Variants in DPY19L2 observed in about 807,000 individuals in gnomAD.
The protein encoded by DPY19L2 is dpy-19 like 2.
A neutral mutation model predicts 97.9 loss-of-function variants in DPY19L2; 34 were observed. The ratio of observed to expected loss-of-function variants is 0.35; its 90% CI spans 0.26 to 0.46. DPY19L2 has a LOEUF of 0.46. Among genes scored for constraint, DPY19L2 ranks in the 20% least tolerant of loss-of-function variants. DPY19L2 has a pLI of 1.00. For synonymous variants in DPY19L2, 230 were observed against 307.9 expected, an observed-to-expected ratio of 0.75 and a Z score of 2.65; for missense variants, 623 against 911.4, an observed-to-expected ratio of 0.68 and a Z score of 4.07.
chr12:63,636,349 C>T (rs1891694269), intron 6 of DPY19L2, among the ~76,000 whole-genome samples: 1 of 152,106 alleles, frequency 6.6e-6, no homozygotes, highest in Non-Finnish European at 1.5e-5. Flanking sequence ...ACCATCGATG[C>T]TAGGAAGCAA....
chr12:63,620,289 G>C (rs891209376), intron 9 of DPY19L2: 1 of 196,964 alleles, frequency 5.1e-6, no homozygotes, highest in African/African-American at 2.4e-5. Context: ...AAAGCTCACA[G>C]AAATGGTTCC....
chr12:63,660,064 G>C lies in DPY19L2; in HGVS notation c.588+1280C>G, dbSNP rs1349853893. On this transcript the variant is annotated intron_variant, in intron 4 of 21. Coordinates refer to ENST00000324472, the MANE Select transcript of DPY19L2 (RefSeq NM_173812.5). ...AATTCAAAATCTAATAAGGATATGA[G>C]AAAATTCTAGACAGCAGTGTGAACT... 2.0e-5 allele frequency among the ~76,000 whole-genome samples: 3 copies of C among 152,214 alleles called. No individual in the cohort carries two copies. The East Asian group carries it at 5.8e-4, about 29-fold the overall frequency.
chr12:63,592,667 A>G (rs1276187521), intron 16 of DPY19L2, among the ~76,000 whole-genome samples: 2 of 146,712 alleles, frequency 1.4e-5, no homozygotes, highest in African/African-American at 5.0e-5. Flanking sequence ...TAAACGTTAG[A>G]CCTAAAACCA....
chr12:63,563,339 T>C (rs1877004329), intron 21 of DPY19L2, among the ~76,000 whole-genome samples: 1 of 152,160 alleles, frequency 6.6e-6, no homozygotes, highest in Admixed American at 6.5e-5. Flanking sequence ...TGAGAAATCT[T>C]AGCCTAATCC....
chr12:63,621,944 T>G (rs1351337283), intron 8 of DPY19L2, among the ~76,000 whole-genome samples: 1 of 152,124 alleles, frequency 6.6e-6, no homozygotes, highest in Non-Finnish European at 1.5e-5. Context: ...AACTTTTAGA[T>G]ATGAAAAAAG....
chr12:63,639,426 G>A (rs1892312669), intron 6 of DPY19L2, among the ~76,000 whole-genome samples: 1 of 152,068 alleles, frequency 6.6e-6, no homozygotes, highest in African/African-American at 2.4e-5. Flanking sequence ...TACAGAATGG[G>A]AGAAAATTTT....
chr12:63,625,024 T>C (rs759554215), intron 7 of DPY19L2, among the ~76,000 whole-genome samples: 2 of 152,142 alleles, frequency 1.3e-5, no homozygotes, highest in African/African-American at 2.4e-5. Context: ...ATAATATATA[T>C]AAGGATTTTA....
intron 7 of DPY19L2, among the ~76,000 whole-genome samples, chr12:63,625,784 T>C (rs951447190): frequency 6.6e-6 from 1 of 152,072 alleles, no homozygotes; most frequent in Non-Finnish European, 1.5e-5. Flanking sequence ...GGGAGTGCAA[T>C]GTATACAAAG....
chr12:63,625,684 T>C (rs1889413164), intron 7 of DPY19L2, among the ~76,000 whole-genome samples: 1 of 152,082 alleles, frequency 6.6e-6, no homozygotes, highest in Admixed American at 6.5e-5. Context: ...ACAGACAGCA[T>C]GATGTAACAG....
intron 12 of DPY19L2, among the ~76,000 whole-genome samples, chr12:63,601,760 C>A (rs1885228743): frequency 6.6e-6 from 1 of 151,900 alleles, no homozygotes; most frequent in East Asian, 1.9e-4. Context: ...GTTAGAAAGG[C>A]ATTATTTCTG....
At chr12:63,600,254 A>G in intron 13 of DPY19L2, 52 bp downstream of exon 13, 1 of 1,451,902 alleles carries the variant, frequency 6.9e-7, no homozygotes, top group Non-Finnish European at 9.7e-7. Flanking sequence ...CAAAGTTTTC[A>G]TTCAGCTACA....
chr12:63,603,751 T>G (rs1487706836), intron 12 of DPY19L2, among the ~76,000 whole-genome samples: 2 of 152,204 alleles, frequency 1.3e-5, no homozygotes, highest in Non-Finnish European at 2.9e-5. Flanking sequence ...TGTATCACAT[T>G]TTCTTTATCC....
chr12:63,662,589 T>C (rs1361796381), intron 3 of DPY19L2, among the ~76,000 whole-genome samples: 1 of 152,104 alleles, frequency 6.6e-6, no homozygotes, highest in Non-Finnish European at 1.5e-5. Flanking sequence ...CCTAAACCCC[T>C]CTAAGGTTGG....
At chr12:63,619,175 T>G (rs1888292798) in intron 9 of DPY19L2, among the ~76,000 whole-genome samples, 1 of 151,842 alleles carries the variant, frequency 6.6e-6, no homozygotes, top group Non-Finnish European at 1.5e-5. Context: ...GCATGGTGGC[T>G]CACGCCTATA....
In DPY19L2 at chr12:63,668,442, G is replaced by A. The variant is rs1031462825; in HGVS notation, c.-49C>T. On this transcript the variant is annotated 5_prime_UTR_variant, in exon 1 of 22. Transcript: ENST00000324472. ...GGTCAATTTCAGGCACAGCCCAGCCGAGTCAGGCGAGGTCCAGAGAGACCT... is the reference window on the plus strand; with the variant it reads ...GGTCAATTTCAGGCACAGCCCAGCCAAGTCAGGCGAGGTCCAGAGAGACCT... 11 of 1,505,268 alleles carry A rather than the reference G, an allele frequency of 7.3e-6. No homozygotes were observed. The African/African-American group carries it at 1.4e-4, about 19-fold the overall frequency. The allele number at this position is 1,505,268 out of a possible 1,614,324, so 93.2% of individuals were successfully genotyped here. A position where few individuals can be genotyped will look rare whatever the true frequency, so the allele number is the denominator to read the frequency against.
chr12:63,634,602 C>A (rs781028667), intron 6 of DPY19L2, among the ~76,000 whole-genome samples: 7 of 152,148 alleles, frequency 4.6e-5, no homozygotes, highest in African/African-American at 1.7e-4. Context: ...ACTTTTCCAA[C>A]GGTCTTAGCA....
Position 63,560,476 on chromosome 12 carries a change from C to A in DPY19L2, c.*36G>T, listed in dbSNP as rs141376814. 1 of 1,594,668 alleles carries A rather than the reference C, an allele frequency of 6.3e-7. No homozygotes were observed. On this transcript the variant is annotated 3_prime_UTR_variant, in exon 22 of 22. Transcript: ENST00000324472. ...CCAAAGGGTGATTGTTTTTGACACA[C>A]GGCATTGTGCCATAGTAAAATGGGT...
chr12:63,614,191 A>T (rs142911329), intron 11 of DPY19L2, among the ~76,000 whole-genome samples: 1 of 16,942 alleles, frequency 5.9e-5, no homozygotes, highest in Non-Finnish European at 1.1e-4. Context: ...ACTCCGTCTC[A>T]AAAAAAAAAA....
chr12:63,629,064 G>A (rs1890106670), intron 6 of DPY19L2, among the ~76,000 whole-genome samples: 1 of 152,072 alleles, frequency 6.6e-6, no homozygotes, highest in Admixed American at 6.6e-5. Flanking sequence ...AACCCCATCT[G>A]TACGTCACCA....
Sources: gnomAD v4.1 joint callset for allele counts (sites outside exome capture counted in the v4.1 genomes callset) on GRCh38, gnomAD v4.1.1 for gene constraint, MANE v1.5 for transcripts, NCBI Gene and HGNC (gene_info 2026-07-23, HGNC 2026-07-21) for gene names.